The following NSMCE2 variants were observed in gnomAD, a reference collection of about 807,000 sequenced individuals.
NSMCE2 encodes NSE2 SUMO ligase component of SMC5/6 complex, also known as E3 SUMO-protein ligase NSE2.
Under a neutral mutation model 23.8 loss-of-function variants are expected in NSMCE2, and 24 were observed. That is an observed-to-expected ratio of 1.01 (90% CI 0.73 to 1.42). NSMCE2 has a LOEUF of 1.42. NSMCE2 is among the 40% of genes most tolerant of loss of function. The pLI is 0.00. For synonymous variants in NSMCE2, 92 were observed against 94.1 expected, an observed-to-expected ratio of 0.98 and a Z score of 0.13; for missense variants, 284 against 296.5, an observed-to-expected ratio of 0.96 and a Z score of 0.31.
intron 5 of NSMCE2, among the ~76,000 whole-genome samples, chr8:125,290,656 A>G (rs1452671695): frequency 6.6e-6 from 1 of 152,226 alleles, no homozygotes; most frequent in African/African-American, 2.4e-5. Context: ...GGTAGGTCAC[A>G]AGTCCAGTGT....
chr8:125,121,752 A>C (rs181165961), intron 3 of NSMCE2, among the ~76,000 whole-genome samples: 1 of 152,272 alleles, frequency 6.6e-6, no homozygotes, highest in East Asian at 1.9e-4. Context: ...CCTTATGTGT[A>C]TTCATTCATT....
intron 5 of NSMCE2, among the ~76,000 whole-genome samples, chr8:125,217,164 T>C (rs1435099113): frequency 5.9e-5 from 9 of 152,182 alleles, no homozygotes; most frequent in Non-Finnish European, 2.9e-5. Context: ...ACCCCTTTGA[T>C]AGTTGTTCCC....
In NSMCE2 at chr8:125,117,446, A is replaced by G. The variant is rs545584694; in HGVS notation, c.157+14959A>G. Among the ~76,000 whole-genome samples the G allele has an allele frequency of 5.9e-5, 9 of 152,298 alleles. No individual in the cohort carries two copies. The South Asian group carries it at 1.5e-3, about 25-fold the overall frequency. ...AAGTGTTCCTCCTTCCTAAGATACC[A>G]TAATTTGCCATGTCTCGATATCTCG... On this transcript the variant is annotated intron_variant, in intron 3 of 7. Coordinates refer to ENST00000287437, the MANE Select transcript of NSMCE2 (RefSeq NM_173685.4).
chr8:125,280,098 G>A (rs1198437349), intron 5 of NSMCE2, among the ~76,000 whole-genome samples: 2 of 152,164 alleles, frequency 1.3e-5, no homozygotes, highest in African/African-American at 4.8e-5. Flanking sequence ...AGAAAGTGAT[G>A]ATTTTCTTTA....
At chr8:125,116,271 A>G (rs1218446367) in intron 3 of NSMCE2, among the ~76,000 whole-genome samples, 1 of 152,246 alleles carries the variant, frequency 6.6e-6, no homozygotes, top group Admixed American at 6.5e-5. Flanking sequence ...AAATGGCAGA[A>G]CATTTGAACT....
chr8:125,283,980 C>T (rs560878724), intron 5 of NSMCE2, among the ~76,000 whole-genome samples: 251 of 152,040 alleles, frequency 1.7e-3, no homozygotes, highest in Middle Eastern at 3.4e-3. Context: ...GGTGAAACCC[C>T]GTCTCTACTA....
chr8:125,329,433 T>C (rs993102865), intron 5 of NSMCE2, among the ~76,000 whole-genome samples: 2 of 152,210 alleles, frequency 1.3e-5, no homozygotes, highest in African/African-American at 4.8e-5. Context: ...GTTTCCTTTC[T>C]TTTTAGTTAC....
At chr8:125,271,059 A>G (rs562157622) in intron 5 of NSMCE2, among the ~76,000 whole-genome samples, 338 of 152,262 alleles carry the variant, frequency 2.2e-3, no homozygotes, top group African/African-American at 7.7e-3. Flanking sequence ...CAGGAGTTCA[A>G]GACCAGCCTG....
intron 3 of NSMCE2, among the ~76,000 whole-genome samples, chr8:125,143,125 G>A (rs1490768119): frequency 3.3e-5 from 5 of 151,362 alleles, no homozygotes; most frequent in Non-Finnish European, 7.4e-5. Flanking sequence ...CACACACAGA[G>A]GTAGGTGCAT....
At chr8:125,243,950 G>A (rs530533044) in intron 5 of NSMCE2, among the ~76,000 whole-genome samples, 5 of 151,962 alleles carry the variant, frequency 3.3e-5, no homozygotes, top group African/African-American at 1.2e-4. Flanking sequence ...CCCCCAAAAA[G>A]CAAAATTTAT....
At chr8:125,097,991 A>G (rs1262692996) in intron 1 of NSMCE2, among the ~76,000 whole-genome samples, 2 of 152,184 alleles carry the variant, frequency 1.3e-5, no homozygotes, top group African/African-American at 4.8e-5. Flanking sequence ...AGCAAGCTCA[A>G]AGACCTTAAG....
chr8:125,310,249 A>G (rs1828927385), intron 5 of NSMCE2, among the ~76,000 whole-genome samples: 1 of 152,250 alleles, frequency 6.6e-6, no homozygotes, highest in Non-Finnish European at 1.5e-5. Context: ...AGAGTCAGAC[A>G]GAAGGGAGTT....
chr8:125,103,374 A>C (rs1286644346), intron 3 of NSMCE2, among the ~76,000 whole-genome samples: 3 of 151,902 alleles, frequency 2.0e-5, no homozygotes, highest in Non-Finnish European at 4.4e-5. Flanking sequence ...TATTTTACAC[A>C]TGGAGCCAGA....
At chr8:125,335,276 G>A (rs1293141522) in intron 5 of NSMCE2, among the ~76,000 whole-genome samples, 3 of 152,070 alleles carry the variant, frequency 2.0e-5, no homozygotes, top group African/African-American at 7.2e-5. Flanking sequence ...TTTAAACAGC[G>A]ATTATGTGCC....
chr8:125,230,039 T>G (rs1242911456), intron 5 of NSMCE2, among the ~76,000 whole-genome samples: 2 of 152,200 alleles, frequency 1.3e-5, no homozygotes, highest in East Asian at 3.8e-4. Context: ...TTTGAAAATG[T>G]TAAAGAAAAC....
intron 5 of NSMCE2, among the ~76,000 whole-genome samples, chr8:125,262,440 A>G (rs901133202): frequency 6.6e-6 from 1 of 152,100 alleles, no homozygotes; most frequent in Non-Finnish European, 1.5e-5. Context: ...TAAATAAATA[A>G]ATAGTATACA....
At chr8:125,349,062 C>G (rs1338801229) in intron 5 of NSMCE2, among the ~76,000 whole-genome samples, 4 of 135,842 alleles carry the variant, frequency 2.9e-5, no homozygotes, top group African/African-American at 5.6e-5. Flanking sequence ...CACACACACA[C>G]AGAGCTCTTA....
intron 5 of NSMCE2, among the ~76,000 whole-genome samples, chr8:125,313,748 C>G (rs915776864): frequency 2.6e-5 from 4 of 152,188 alleles, no homozygotes; most frequent in Non-Finnish European, 5.9e-5. Flanking sequence ...TGACACTGTT[C>G]AGTCTGGTGG....
chr8:125,330,802 G>A (rs1050916421), intron 5 of NSMCE2, among the ~76,000 whole-genome samples: 4 of 152,122 alleles, frequency 2.6e-5, no homozygotes, highest in African/African-American at 9.7e-5. Flanking sequence ...CCACAAGCAC[G>A]TGGCCTGGAG....
Sources: gnomAD v4.1 joint callset for allele counts (sites outside exome capture counted in the v4.1 genomes callset) on GRCh38, gnomAD v4.1.1 for gene constraint, MANE v1.5 for transcripts, NCBI Gene and HGNC (gene_info 2026-07-23, HGNC 2026-07-21) for gene names.